Variants in BMPR1B observed in about 807,000 individuals in gnomAD.
BMPR1B encodes bone morphogenetic protein receptor type-1B.
BMPR1B carries 12 observed loss-of-function variants against 59.1 expected under a neutral mutation model. The ratio of observed to expected loss-of-function variants is 0.20; its 90% confidence interval spans 0.13 to 0.33. The LOEUF (loss-of-function observed/expected upper bound fraction) is 0.33, where lower values mean the gene tolerates loss of function less well. Ranked by LOEUF, BMPR1B falls within the 10% of genes least tolerant of loss-of-function variation. The probability of loss-of-function intolerance (pLI) is 1.00; values close to 1 mark genes in which losing one functional copy is unlikely to be tolerated. For missense variants in BMPR1B, 550 were observed against 610.9 expected, an observed-to-expected ratio of 0.90 and a Z score of 1.05; for synonymous variants, 237 against 207.3, an observed-to-expected ratio of 1.14 and a Z score of -1.23.
At chr4:94,962,715 T>TATCC (rs1345899048) in intron 2 of BMPR1B, among the ~76,000 whole-genome samples, 1 of 152,208 alleles carries the variant, frequency 6.6e-6, no homozygotes, top group Admixed American at 6.5e-5. Context: ...ACATTTTCTT[T>TATCC]ATCCATTCAT....
intron 2 of BMPR1B, among the ~76,000 whole-genome samples, chr4:94,960,037 T>C (rs917528051): frequency 1.2e-4 from 19 of 152,190 alleles, no homozygotes; most frequent in Non-Finnish European, 2.2e-4. Context: ...ATTGAATTAC[T>C]GCATGGTCCT....
chr4:94,902,810 C>G (rs370521039), intron 2 of BMPR1B, among the ~76,000 whole-genome samples: 1 of 152,108 alleles, frequency 6.6e-6, no homozygotes, highest in African/African-American at 2.4e-5. Flanking sequence ...CTGTACTCAT[C>G]TTCACTTTAA....
intron 1 of BMPR1B, among the ~76,000 whole-genome samples, chr4:94,799,183 C>T (rs1400140642): frequency 6.7e-6 from 1 of 149,216 alleles, no homozygotes; most frequent in Non-Finnish European, 1.5e-5. Context: ...AACTTATTCT[C>T]TGTGTTGCTC....
intron 2 of BMPR1B, among the ~76,000 whole-genome samples, chr4:94,942,243 A>G (rs1729546274): frequency 1.3e-5 from 2 of 152,206 alleles, no homozygotes; most frequent in South Asian, 4.1e-4. Flanking sequence ...GAAAGACAGA[A>G]TTCTCTCAAA....
chr4:95,100,362 A>G (rs776540071), intron 3 of BMPR1B, among the ~76,000 whole-genome samples: 1 of 152,102 alleles, frequency 6.6e-6, no homozygotes, highest in Non-Finnish European at 1.5e-5. Context: ...TTTTTCCCTC[A>G]GACTTTTGAA....
Position 94,821,405 on chromosome 4 carries a change from TTAGC to T in BMPR1B, c.-182-54422_-182-54419del, listed in dbSNP as rs995372767. On this transcript the variant is annotated intron_variant, in intron 1 of 12. Coordinates refer to ENST00000515059, the MANE Select transcript of BMPR1B (RefSeq NM_001203.3). Reference sequence around the variant, plus strand: ...CTCAGAAAATAATTTTTGCTAGAATTTAGCTAGAGCATATATAGATATGATATAT... The same window carrying T: ...CTCAGAAAATAATTTTTGCTAGAATTTAGAGCATATATAGATATGATATAT... Among the ~76,000 whole-genome samples the T allele has an allele frequency of 3.9e-5, 6 of 152,148 alleles. No homozygotes were observed. In the East Asian group the frequency reaches 5.8e-4, roughly 15 times the overall value.
At chr4:94,949,124 G>GC (rs200334206) in intron 2 of BMPR1B, among the ~76,000 whole-genome samples, 4,420 of 151,912 alleles carry the variant, frequency 0.029, 209 homozygotes, top group African/African-American at 0.1. Flanking sequence ...TGCTTCCCTT[G>GC]CCCCCCACCC....
rs571793477 is a variant in BMPR1B, at chr4:94,908,061, T to TAAAAAAAAAAA, written c.-113+32180_-113+32190dup. ...GGGCAATGCAGTGAGACCCTGTCTT[T>TAAAAAAAAAAA]AAAAAAAAAAAAAAAAAAAAAAAAA... On this transcript the variant is annotated intron_variant, in intron 2 of 12. Transcript: ENST00000515059. 5.0e-3 allele frequency among the ~76,000 whole-genome samples: 232 copies of TAAAAAAAAAAA among 46,184 alleles called. 1 individual carries two copies. Among genetic ancestry groups the TAAAAAAAAAAA allele is most frequent in the African/African-American group, 8.8e-3 (121 of 13,784 alleles). 30.3% of individuals were successfully genotyped at this position (46,184 alleles called of 152,430 possible). A position where few individuals can be genotyped will look rare whatever the true frequency, so the allele number is the denominator to read the frequency against.
At chr4:95,091,266 TTTTC>T (rs1446211026) in intron 3 of BMPR1B, among the ~76,000 whole-genome samples, 19 of 151,680 alleles carry the variant, frequency 1.3e-4, no homozygotes, top group African/African-American at 4.6e-4. Flanking sequence ...TCTTTTTTTC[TTTTC>T]TTTTTTTTTT....
At chr4:95,065,174 A>G (rs1727700585) in intron 3 of BMPR1B, among the ~76,000 whole-genome samples, 1 of 152,210 alleles carries the variant, frequency 6.6e-6, no homozygotes, top group Non-Finnish European at 1.5e-5. Flanking sequence ...AATAAAAAGA[A>G]TGAAGTACTG....
intron 2 of BMPR1B, among the ~76,000 whole-genome samples, chr4:94,973,915 A>C (rs1462221245): frequency 6.6e-6 from 1 of 152,206 alleles, no homozygotes; most frequent in East Asian, 1.9e-4. Context: ...ATAAATTTTT[A>C]CAAAATAAAT....
intron 2 of BMPR1B, among the ~76,000 whole-genome samples, chr4:94,910,146 T>G (rs1728220055): frequency 6.6e-6 from 1 of 152,122 alleles, no homozygotes; most frequent in African/African-American, 2.4e-5. Context: ...TGCTGACATC[T>G]TCACACTAAA....
At chr4:94,900,471 A>C (rs1248274817) in intron 2 of BMPR1B, among the ~76,000 whole-genome samples, 6 of 152,098 alleles carry the variant, frequency 3.9e-5, no homozygotes, top group Admixed American at 6.6e-5. Context: ...GTACATACAA[A>C]TATGATGATG....
intron 3 of BMPR1B, among the ~76,000 whole-genome samples, chr4:95,021,146 A>G (rs2149136902): frequency 6.6e-6 from 1 of 152,336 alleles, no homozygotes; most frequent in East Asian, 1.9e-4. Flanking sequence ...CGTATTCCTA[A>G]TTTTTAATTT....
chr4:95,045,192 T>G (rs770508862), intron 3 of BMPR1B, among the ~76,000 whole-genome samples: 15 of 152,208 alleles, frequency 9.9e-5, no homozygotes, highest in Non-Finnish European at 2.1e-4. Context: ...ACACTCACCT[T>G]ATTGTTCTCA....
At chr4:94,982,970 G>A (rs140026340) in intron 2 of BMPR1B, among the ~76,000 whole-genome samples, 2 of 149,870 alleles carry the variant, frequency 1.3e-5, no homozygotes, top group African/African-American at 2.5e-5. Context: ...GGGCGACAGA[G>A]CCAGACTCCA....
At chr4:95,030,303 A>G (rs986001768) in intron 3 of BMPR1B, among the ~76,000 whole-genome samples, 1 of 152,158 alleles carries the variant, frequency 6.6e-6, no homozygotes, top group Non-Finnish European at 1.5e-5. Context: ...ATAAGGTGTA[A>G]GGAAGGGATC....
intron 1 of BMPR1B, among the ~76,000 whole-genome samples, chr4:94,858,488 T>C (rs1258492096): frequency 6.6e-6 from 1 of 152,202 alleles, no homozygotes; most frequent in African/African-American, 2.4e-5. Flanking sequence ...TATAGAATTT[T>C]GGATTAGGCA....
chr4:94,949,684 C>A (rs1206987176), intron 2 of BMPR1B, among the ~76,000 whole-genome samples: 1 of 151,978 alleles, frequency 6.6e-6, no homozygotes, highest in Non-Finnish European at 1.5e-5. Context: ...TTTATTCAAT[C>A]TGTCATTGAT....
Sources: gnomAD v4.1 joint callset for allele counts (sites outside exome capture counted in the v4.1 genomes callset) on GRCh38, gnomAD v4.1.1 for gene constraint, MANE v1.5 for transcripts, NCBI Gene and HGNC (gene_info 2026-07-23, HGNC 2026-07-21) for gene names.